KDM4C: variants seen among roughly 807,000 people sequenced by gnomAD.
KDM4C encodes lysine-specific demethylase 4C.
KDM4C carries 81 observed loss-of-function variants against 129.3 expected under a neutral mutation model. That is an observed-to-expected ratio of 0.63 (90% confidence interval 0.52 to 0.75). The LOEUF is 0.75. Among genes scored for constraint, KDM4C ranks in the 30% least tolerant of loss-of-function variants. The pLI is 0.00. For synonymous variants in KDM4C, 573 were observed against 456.1 expected, an observed-to-expected ratio of 1.26 and a Z score of -3.26; for missense variants, 1,457 against 1,304.0, an observed-to-expected ratio of 1.12 and a Z score of -1.81.
Position 7,049,272 on chromosome 9 carries a change from C to A in KDM4C, c.2424+72C>A, listed in dbSNP as rs188525519. On this transcript the variant is annotated intron_variant, in intron 17 of 21. Transcript: ENST00000381309. Reference sequence around the variant, plus strand: ...CAAGTTCTGAATTTTTCCATTAATGCACACATTCCCAAGGTATATTTTCTC... The same window carrying A: ...CAAGTTCTGAATTTTTCCATTAATGAACACATTCCCAAGGTATATTTTCTC... The A allele has an allele frequency of 5.2e-4, 374 of 723,656 alleles. No homozygotes were observed. The African/African-American group carries it at 6.2e-3, about 12-fold the overall frequency. The allele number at this position is 723,656 out of a possible 1,614,324, so 44.8% of individuals were successfully genotyped here.
rs1491182741 is a variant in KDM4C, at chr9:6,798,257, T to TTTC, written c.144+5127_144+5128insCTT. Among the ~76,000 whole-genome samples, 15 of 3,026 alleles carry TTTC rather than the reference T, an allele frequency of 5.0e-3. No homozygotes were observed. In the African/African-American group the frequency reaches 0.067, roughly 14 times the overall value. The allele number at this position is 3,026 out of a possible 152,430, so 2.0% of individuals were successfully genotyped here. A position where few individuals can be genotyped will look rare whatever the true frequency, so the allele number is the denominator to read the frequency against. On this transcript the variant is annotated intron_variant, in intron 2 of 21. Coordinates refer to ENST00000381309, the MANE Select transcript of KDM4C (RefSeq NM_015061.6). ...AGCAACTTCCTTTTTTCTTTCTTTC[T>TTTC]TTTTTTTTTTTTTATTGATCATTCT...
At chr9:7,140,344 T>C (rs1841619907) in intron 19 of KDM4C, among the ~76,000 whole-genome samples, 1 of 152,212 alleles carries the variant, frequency 6.6e-6, no homozygotes, top group South Asian at 2.1e-4. Context: ...TTTTTTGTTG[T>C]TGGGTTTTTT....
At chr9:7,048,762 A>G (rs908896090) in intron 16 of KDM4C, among the ~76,000 whole-genome samples, 1 of 152,158 alleles carries the variant, frequency 6.6e-6, no homozygotes, top group African/African-American at 2.4e-5. Flanking sequence ...CTTTAAGCAC[A>G]TACATGCATA....
intron 2 of KDM4C, among the ~76,000 whole-genome samples, chr9:6,798,134 T>A (rs1180518449): frequency 6.6e-6 from 1 of 152,232 alleles, no homozygotes; most frequent in Non-Finnish European, 1.5e-5. Flanking sequence ...AATGAACTTG[T>A]ACACAAAAAG....
chr9:7,066,336 A>G (rs1832424068), intron 17 of KDM4C, among the ~76,000 whole-genome samples: 1 of 152,226 alleles, frequency 6.6e-6, no homozygotes, highest in Non-Finnish European at 1.5e-5. Context: ...TGAAGATTTT[A>G]CAGAACTTTC....
At chr9:7,113,808 A>G (rs765554194) in intron 18 of KDM4C, among the ~76,000 whole-genome samples, 2 of 152,210 alleles carry the variant, frequency 1.3e-5, no homozygotes, top group Non-Finnish European at 2.9e-5. Flanking sequence ...GGTACTTCTC[A>G]GAATTCTGGA....
chr9:6,807,496 C>T (rs1361407665), intron 3 of KDM4C, among the ~76,000 whole-genome samples: 1 of 148,142 alleles, frequency 6.8e-6, no homozygotes. Context: ...TGCCCGGCCG[C>T]CCATCGTCTG....
chr9:7,056,500 T>C lies in KDM4C; in HGVS notation c.2424+7300T>C, dbSNP rs78154653. 5.9e-3 allele frequency among the ~76,000 whole-genome samples: 902 copies of C among 152,324 alleles called. 14 individuals are homozygous for C. The highest frequency in any genetic ancestry group is 0.02 in the African/African-American group (813 of 41,570). On this transcript the variant is annotated intron_variant, in intron 17 of 21. Transcript: ENST00000381309. The stretch of plus-strand genomic sequence containing the variant: ...TTTGAGTAAAATGGAAAATGTCAGA[T>C]GGGCATGGCTACAAATAATATACTT...
intron 1 of KDM4C, among the ~76,000 whole-genome samples, chr9:6,733,466 C>G (rs182918830): frequency 1.1e-4 from 17 of 152,314 alleles, no homozygotes; most frequent in African/African-American, 4.1e-4. Context: ...TCACCCAGTA[C>G]TGAGAGATCA....
chr9:6,792,884 C>T (rs1207517533), intron 1 of KDM4C, 88 bp from the exon 2 acceptor site: 2 of 1,309,856 alleles, frequency 1.5e-6, no homozygotes, highest in African/African-American at 1.5e-5. Flanking sequence ...AGAAGGGTTC[C>T]TGCTGGGGGA....
chr9:7,045,585 G>A (rs951231493), intron 15 of KDM4C, among the ~76,000 whole-genome samples: 6 of 151,882 alleles, frequency 4.0e-5, no homozygotes, highest in Admixed American at 6.6e-5. Flanking sequence ...AAGGCCTCTA[G>A]GATATGGCTT....
At chr9:6,955,122 A>G (rs1828841773) in intron 8 of KDM4C, among the ~76,000 whole-genome samples, 1 of 152,198 alleles carries the variant, frequency 6.6e-6, no homozygotes, top group South Asian at 2.1e-4. Flanking sequence ...TGGTTACTGG[A>G]TGGTGAAAGC....
chr9:6,930,337 C>T (rs1823438978), intron 8 of KDM4C, among the ~76,000 whole-genome samples: 1 of 152,060 alleles, frequency 6.6e-6, no homozygotes, highest in Non-Finnish European at 1.5e-5. Context: ...CTGTAAGTTT[C>T]TCTAGAATCT....
At chr9:6,913,083 AC>A (rs1819622836) in intron 8 of KDM4C, among the ~76,000 whole-genome samples, 1 of 152,184 alleles carries the variant, frequency 6.6e-6, no homozygotes. Flanking sequence ...ACTATGACAT[AC>A]TTGAGACATA....
intron 17 of KDM4C, among the ~76,000 whole-genome samples, chr9:7,062,541 C>G (rs540513036): frequency 6.9e-4 from 105 of 152,160 alleles, no homozygotes; most frequent in African/African-American, 2.3e-3. Flanking sequence ...GTTTGCACTA[C>G]TATTTCCAGC....
In KDM4C at chr9:6,859,473, C is replaced by CAAAAA. The variant is rs58056883; in HGVS notation, c.629+9793_629+9797dup. Among the ~76,000 whole-genome samples the CAAAAA allele has an allele frequency of 6.3e-4, 30 of 47,834 alleles. 1 individual carries two copies. The highest frequency in any genetic ancestry group is 1.2e-3 in the African/African-American group (15 of 12,192). The allele number at this position is 47,834 out of a possible 152,430, so 31.4% of individuals were successfully genotyped here. On this transcript the variant is annotated intron_variant, in intron 5 of 21. Coordinates refer to ENST00000381309, the MANE Select transcript of KDM4C (RefSeq NM_015061.6). ...CTGGCGACAGAGCGGGACTCTGTCTCAAAAAAAAAAAAAAAAAAAAAAAAG... is the reference window on the plus strand; with the variant it reads ...CTGGCGACAGAGCGGGACTCTGTCTCAAAAAAAAAAAAAAAAAAAAAAAAAAAAAG...
intron 17 of KDM4C, among the ~76,000 whole-genome samples, chr9:7,091,650 G>T (rs955369097): frequency 6.6e-6 from 1 of 152,172 alleles, no homozygotes; most frequent in Non-Finnish European, 1.5e-5. Flanking sequence ...CCCTGAATCT[G>T]ACAAGGATTT....
chr9:6,793,119 C>G lies in KDM4C; in HGVS notation c.131C>G (p.Ala44Gly). 6.2e-7 allele frequency: 1 copy of G among 1,613,618 alleles called. No individual in the cohort carries two copies. The highest frequency in any genetic ancestry group is 8.5e-7 in the Non-Finnish European group (1 of 1,179,804). ...ATGGAGTCTAAAGGAGCCCATCGTG[C>G]GGGTCTTGCAAAGGTGATTATCCTT... is the stretch of plus-strand genomic sequence containing the variant. ...AYMESKGAHR[A>G]GLAKVIPPKE... is the part of the protein sequence containing the mutation. The change falls in exon 2 of 22, where the codon GCG (alanine) becomes GGG (glycine). Residue 44 changes from alanine (A) to glycine (G), a missense_variant. Physicochemically the swap from Ala to Gly is moderately conservative, Grantham distance 60 (BLOSUM62 0). Transcript: ENST00000381309.
At chr9:6,912,228 A>G (rs952462395) in intron 8 of KDM4C, among the ~76,000 whole-genome samples, 1 of 152,112 alleles carries the variant, frequency 6.6e-6, no homozygotes, top group African/African-American at 2.4e-5. Context: ...ATTCTCCTTT[A>G]GCAGCAAGTT....
Sources: gnomAD v4.1 joint callset for allele counts (sites outside exome capture counted in the v4.1 genomes callset) on GRCh38, gnomAD v4.1.1 for gene constraint, MANE v1.5 for transcripts, NCBI Gene and HGNC (gene_info 2026-07-23, HGNC 2026-07-21) for gene names.